The following PPARGC1A variants were observed in gnomAD, a reference collection of about 807,000 sequenced individuals.
The protein encoded by PPARGC1A is PPARG coactivator 1 alpha, also known as peroxisome proliferator-activated receptor gamma coactivator 1-alpha.
Under a neutral mutation model 88.7 loss-of-function variants are expected in PPARGC1A, and 25 were observed. That is an observed-to-expected ratio of 0.28 (90% CI 0.21 to 0.39). The LOEUF (loss-of-function observed/expected upper bound fraction) is 0.39. PPARGC1A is among the 10% of genes least tolerant of loss of function. PPARGC1A has a pLI of 1.00. For synonymous variants in PPARGC1A, 363 were observed against 355.6 expected (o/e 1.02, Z -0.24); for missense variants, 880 against 968.7 (o/e 0.91, Z 1.22).
At chr4:24,263,697 C>T in the PPARGC1A span, among the ~76,000 whole-genome samples, 1 of 152,136 alleles carries the variant, frequency 6.6e-6, no homozygotes, top group Non-Finnish European at 1.5e-5. Flanking sequence ...GGATGAACAC[C>T]TTTATGATGA....
the PPARGC1A span, among the ~76,000 whole-genome samples, chr4:24,315,699 T>C: frequency 6.6e-6 from 1 of 152,176 alleles, no homozygotes; most frequent in Non-Finnish European, 1.5e-5. Flanking sequence ...TGGCATCTAG[T>C]GGGTAGAAGC....
the PPARGC1A span, among the ~76,000 whole-genome samples, chr4:24,132,321 A>C: frequency 6.6e-6 from 1 of 152,030 alleles, no homozygotes; most frequent in Admixed American, 6.6e-5. Flanking sequence ...CATTATCAAA[A>C]TCAATTATCA....
the PPARGC1A span, among the ~76,000 whole-genome samples, chr4:24,026,693 T>C: frequency 2.0e-5 from 3 of 152,088 alleles, no homozygotes; most frequent in African/African-American, 7.2e-5. Context: ...TAATCATCCA[T>C]CCACCACTCT....
At chr4:24,379,669 T>C in the PPARGC1A span, among the ~76,000 whole-genome samples, 2 of 152,010 alleles carry the variant, frequency 1.3e-5, no homozygotes, top group Non-Finnish European at 2.9e-5. Context: ...TGATGTCCAT[T>C]ATGAAAAAGA....
the PPARGC1A span, among the ~76,000 whole-genome samples, chr4:24,193,303 G>C: frequency 2.6e-5 from 4 of 152,146 alleles, no homozygotes; most frequent in Non-Finnish European, 4.4e-5. Flanking sequence ...CAATGACTTG[G>C]ATCTCTACCA....
intron 10 of PPARGC1A, among the ~76,000 whole-genome samples, chr4:23,809,627 AAT>A: frequency 6.6e-6 from 1 of 152,344 alleles, no homozygotes; most frequent in Non-Finnish European, 1.5e-5. Context: ...CAATGTTAAT[AAT>A]ATATTGTATT....
the PPARGC1A span, among the ~76,000 whole-genome samples, chr4:24,350,355 G>C: frequency 6.6e-6 from 1 of 152,170 alleles, no homozygotes; most frequent in Non-Finnish European, 1.5e-5. Flanking sequence ...CCCTGTGGCT[G>C]GGTACACTTA....
At chr4:24,235,624 C>T in the PPARGC1A span, among the ~76,000 whole-genome samples, 1 of 152,148 alleles carries the variant, frequency 6.6e-6, no homozygotes, top group Non-Finnish European at 1.5e-5. Flanking sequence ...TGGACCAGAG[C>T]CACCAAATCA....
chr4:24,324,850 C>T, the PPARGC1A span, among the ~76,000 whole-genome samples: 2 of 152,080 alleles, frequency 1.3e-5, no homozygotes. Flanking sequence ...GTCGCTGAGT[C>T]TTTATAATCT....
the PPARGC1A span, among the ~76,000 whole-genome samples, chr4:24,001,101 C>T: frequency 2.0e-5 from 3 of 152,114 alleles, no homozygotes; most frequent in Non-Finnish European, 4.4e-5. Context: ...CTTTTTAAAA[C>T]ATTTTCATGT....
At chr4:24,470,277 G>GACACACACAGACACACACACACACAC in the PPARGC1A span, among the ~76,000 whole-genome samples, 1 of 110,676 alleles carries the variant, frequency 9.0e-6, no homozygotes, top group Non-Finnish European at 1.9e-5. This position sits in a 1 kb window ranked among gnomAD's most constrained non-coding sequence, Gnocchi z 5.8. Flanking sequence ...GACAGACACA[G>GACACACACAGACACACACACACACAC]ACACACACAC....
At chr4:24,244,454 G>A in the PPARGC1A span, among the ~76,000 whole-genome samples, 5 of 152,162 alleles carry the variant, frequency 3.3e-5, no homozygotes, top group African/African-American at 1.2e-4. Context: ...AGGTGAAGAG[G>A]TTAAGGCTTA....
intron 10 of PPARGC1A, among the ~76,000 whole-genome samples, chr4:23,810,800 G>A (rs1366040947): frequency 6.6e-6 from 1 of 151,970 alleles, no homozygotes; most frequent in Non-Finnish European, 1.5e-5. Flanking sequence ...TTTCCTACAT[G>A]TTCGCTCAGC....
At chr4:24,194,670 C>CACACA in the PPARGC1A span, among the ~76,000 whole-genome samples, 1 of 3,506 alleles carries the variant, frequency 2.9e-4, no homozygotes, top group African/African-American at 4.5e-4. Flanking sequence ...ACACACACAC[C>CACACA]CCCATCAAGA....
At chr4:23,920,387 A>G in the PPARGC1A span, among the ~76,000 whole-genome samples, 18 of 152,260 alleles carry the variant, frequency 1.2e-4, no homozygotes, top group South Asian at 4.1e-4. Flanking sequence ...CAAGGTTAAT[A>G]TCTATATTAG....
intron 2 of PPARGC1A, among the ~76,000 whole-genome samples, chr4:23,837,202 G>C (rs1257611933): frequency 6.6e-6 from 1 of 152,106 alleles, no homozygotes; most frequent in Non-Finnish European, 1.5e-5. Context: ...TCAATAAGAA[G>C]GAAACAGTGG....
chr4:23,895,964 GTGTGTGTGTGTGTGTGTATATA>G lies in PPARGC1A; in HGVS notation n.52+3281_52+3302del, dbSNP rs1171812062. 4.5e-3 allele frequency among the ~76,000 whole-genome samples: 239 copies of G among 53,270 alleles called. 1 individual carries two copies. The highest frequency in any genetic ancestry group is 0.012 in the African/African-American group (70 of 5,696). 34.9% of individuals were successfully genotyped at this position (53,270 alleles called of 152,430 possible). ...TGTGTGTGTGTGTGTGTGTGTGTGT[GTGTGTGTGTGTGTGTGTATATA>G]TATATACACACACATATTTATATTT... On this transcript the variant is annotated intron_variant and non_coding_transcript_variant, in intron 1 of 3. Transcript: ENST00000507342.
At chr4:24,119,547 T>C in the PPARGC1A span, among the ~76,000 whole-genome samples, 1 of 152,170 alleles carries the variant, frequency 6.6e-6, no homozygotes, top group Non-Finnish European at 1.5e-5. Context: ...CCTCATTATC[T>C]TAACAAGCCT....
intron 7 of PPARGC1A, among the ~76,000 whole-genome samples, chr4:23,818,312 T>C (rs1722350464): frequency 6.6e-6 from 1 of 152,190 alleles, no homozygotes; most frequent in South Asian, 2.1e-4. Flanking sequence ...GTTCCGAGCA[T>C]TGTTAACACA....
Sources: gnomAD v4.1 joint callset for allele counts (sites outside exome capture counted in the v4.1 genomes callset) on GRCh38, gnomAD v4.1.1 for gene constraint, Gnocchi (gnomAD v3.1) non-coding constraint, MANE v1.5 for transcripts, NCBI Gene and HGNC (gene_info 2026-07-23, HGNC 2026-07-21) for gene names.